Variants in EIF3E observed in about 807,000 individuals in gnomAD.
The protein encoded by EIF3E is eIF-3 p48.
A neutral mutation model predicts 59.3 loss-of-function variants in EIF3E; 25 were observed. The ratio of observed to expected loss-of-function variants is 0.42; its 90% CI spans 0.31 to 0.59. EIF3E has a LOEUF of 0.59. Ranked by LOEUF, EIF3E falls within the 20% of genes least tolerant of loss-of-function variation. The pLI, the probability that EIF3E is intolerant of heterozygous loss-of-function variation, is 0.15. For missense variants in EIF3E, 317 were observed against 534.3 expected, an observed-to-expected ratio of 0.59 and a Z score of 4.01; for synonymous variants, 176 against 170.2, an observed-to-expected ratio of 1.03 and a Z score of -0.26.
chr8:108,209,288 C>T (rs1357131692), intron 10 of EIF3E, among the ~76,000 whole-genome samples: 1 of 151,910 alleles, frequency 6.6e-6, no homozygotes, highest in Non-Finnish European at 1.5e-5. Flanking sequence ...GAATAATATG[C>T]CATAGTTAGT....
chr8:108,248,544 A>G, intron 1 of EIF3E, 69 bp downstream of exon 1: 1 of 1,517,650 alleles, frequency 6.6e-7, no homozygotes. Context: ...GACTACAGAC[A>G]CCACCTTTCG....
intron 7 of EIF3E, among the ~76,000 whole-genome samples, chr8:108,221,774 A>G (rs189919183): frequency 6.7e-6 from 1 of 148,424 alleles, no homozygotes; most frequent in East Asian, 2.0e-4. Context: ...ATCTACCATT[A>G]GAGCTCAAAA....
rs968679274 is a variant in EIF3E, at chr8:108,216,647, A to C, written c.850-134T>G. The C allele has an allele frequency of 7.6e-6, 5 of 661,388 alleles. No individual in the cohort carries two copies. The Admixed American group carries it at 9.7e-5, about 13-fold the overall frequency. 41.0% of individuals were successfully genotyped at this position (661,388 alleles called of 1,614,324 possible). A position where few individuals can be genotyped will look rare whatever the true frequency, so the allele number is the denominator to read the frequency against. On this transcript the variant is annotated intron_variant, in intron 8 of 12. Transcript: ENST00000220849. The stretch of plus-strand genomic sequence containing the variant: ...AGCCAAATTACCTAGCATCTTCCCA[A>C]AACAATTGTTCCTATCCTGATTCCA...
chr8:108,226,135 C>G (rs539405290), intron 7 of EIF3E: 1 of 151,264 alleles, frequency 6.6e-6, no homozygotes, highest in Admixed American at 6.6e-5. Flanking sequence ...ATATTGAGGA[C>G]TTACTGTATA....
In EIF3E at chr8:108,242,987, G is replaced by A. The variant is rs1384631402; in HGVS notation, c.91-1074C>T. On this transcript the variant is annotated intron_variant, in intron 1 of 12. Transcript: ENST00000220849. The stretch of plus-strand genomic sequence containing the variant: ...TACTTTTTGATCCAGCAATTGTTTC[G>A]AGGCATCCAAAACAAATGGGTGCAT... Among the ~76,000 whole-genome samples the A allele has an allele frequency of 3.9e-5, 6 of 151,972 alleles. No individual in the cohort carries two copies. In the South Asian group the frequency reaches 8.3e-4, roughly 21 times the overall value.
intron 5 of EIF3E, among the ~76,000 whole-genome samples, chr8:108,230,660 C>T (rs961159567): frequency 6.6e-6 from 1 of 151,984 alleles, no homozygotes; most frequent in African/African-American, 2.4e-5. Flanking sequence ...AATTTTGAAC[C>T]ACTCCTGGTT....
intron 3 of EIF3E, among the ~76,000 whole-genome samples, chr8:108,238,860 T>C (rs1164969905): frequency 6.6e-6 from 1 of 152,232 alleles, no homozygotes; most frequent in Non-Finnish European, 1.5e-5. Flanking sequence ...AGCTAGGATT[T>C]ATCTCAAATG....
rs910557016 is a variant in EIF3E at position 108,242,767 on chromosome 8, A to G, written c.91-854T>C. 9.3e-5 allele frequency: 62 copies of G among 666,766 alleles called. No homozygotes were observed. In the African/African-American group the frequency reaches 1.1e-3, roughly 12 times the overall value. 41.3% of individuals were successfully genotyped at this position (666,766 alleles called of 1,614,324 possible). A position where few individuals can be genotyped will look rare whatever the true frequency, so the allele number is the denominator to read the frequency against. Reference sequence around the variant, plus strand: ...GATAGGCACTTCGCAAAAGAAGACAACCAAATGGCCAACAGACACATGAAA... The same window carrying G: ...GATAGGCACTTCGCAAAAGAAGACAGCCAAATGGCCAACAGACACATGAAA... On this transcript the variant is annotated intron_variant, in intron 1 of 12. Transcript: ENST00000220849.
chr8:108,230,106 A>C (rs1403198468), intron 5 of EIF3E, among the ~76,000 whole-genome samples: 1 of 152,194 alleles, frequency 6.6e-6, no homozygotes, highest in Non-Finnish European at 1.5e-5. Context: ...GAGGGGGAAG[A>C]ATACATGTCT....
intron 10 of EIF3E, among the ~76,000 whole-genome samples, chr8:108,212,725 G>A (rs1328122604): frequency 5.9e-5 from 9 of 152,004 alleles, no homozygotes; most frequent in African/African-American, 1.4e-4. Context: ...TCTCTTGAAC[G>A]CGAGAGGCAG....
intron 10 of EIF3E, among the ~76,000 whole-genome samples, chr8:108,206,750 CTA>C (rs1815110472): frequency 6.6e-6 from 1 of 152,136 alleles, no homozygotes; most frequent in Non-Finnish European, 1.5e-5. Flanking sequence ...CTGCAGTAAG[CTA>C]TGATTGCGCC....
In EIF3E at chr8:108,201,263, ATATCTATC is replaced by A. The variant is rs763522904; in HGVS notation, c.*614_*621del. 9 of 138,462 alleles carry A rather than the reference ATATCTATC, an allele frequency of 6.5e-5. 2 individuals are homozygous for A. Among genetic ancestry groups the A allele is most frequent in the African/African-American group, 2.6e-4 (8 of 31,276 alleles). 8.6% of individuals were successfully genotyped at this position (138,462 alleles called of 1,614,324 possible). On this transcript the variant is annotated 3_prime_UTR_variant, in exon 13 of 13. Coordinates refer to ENST00000220849, the MANE Select transcript of EIF3E (RefSeq NM_001568.3). The stretch of plus-strand genomic sequence containing the variant: ...TTAACTACTGATCATATATATATAT[ATATCTATC>A]TCTCAACTTGGATGGCTCTCAAGAG...
At chr8:108,248,482 A>G in intron 1 of EIF3E, 131 bp downstream of exon 1, 1 of 788,058 alleles carries the variant, frequency 1.3e-6, no homozygotes, top group South Asian at 1.7e-5. Flanking sequence ...GAAGATCCTT[A>G]GTGTCCGTCC....
rs1376760666 is a variant in EIF3E at position 108,201,245 on chromosome 8, C to A, written c.*640G>T. The A allele has an allele frequency of 1.3e-5, 1 of 79,724 alleles. No individual in the cohort carries two copies. Among genetic ancestry groups the A allele is most frequent in the Non-Finnish European group, 2.5e-5 (1 of 40,262 alleles). The allele number at this position is 79,724 out of a possible 1,614,324, so 4.9% of individuals were successfully genotyped here. On this transcript the variant is annotated 3_prime_UTR_variant, in exon 13 of 13. Transcript: ENST00000220849. ...TTGGCAATAAAAAAGGAATTAACTA[C>A]TGATCATATATATATATATATCTAT...
At chr8:108,244,497 T>C (rs1044329590) in intron 1 of EIF3E, among the ~76,000 whole-genome samples, 3 of 152,196 alleles carry the variant, frequency 2.0e-5, no homozygotes, top group Non-Finnish European at 4.4e-5. Context: ...AATTCCTTTA[T>C]TCCTCAAATT....
intron 8 of EIF3E, 27 bp downstream of exon 8, chr8:108,217,307 A>T: frequency 2.7e-6 from 4 of 1,495,084 alleles, no homozygotes; most frequent in Non-Finnish European, 3.6e-6. Context: ...ATTTAAAAAA[A>T]AAAATCAATA....
intron 5 of EIF3E, among the ~76,000 whole-genome samples, chr8:108,230,465 T>G (rs972406840): frequency 2.0e-5 from 3 of 152,110 alleles, no homozygotes; most frequent in African/African-American, 7.2e-5. Flanking sequence ...ACATATACAT[T>G]TACATACGTA....
Position 108,201,661 on chromosome 8 carries a change from C to A in EIF3E, c.*224G>T. ...CAGGGACTTCTCTGTACTATTTTTG[C>A]AAATTCCTCTGAATATAATTATTCC... On this transcript the variant is annotated 3_prime_UTR_variant, in exon 13 of 13. Coordinates refer to ENST00000220849, the MANE Select transcript of EIF3E (RefSeq NM_001568.3). 1 of 384,668 alleles carries A rather than the reference C, an allele frequency of 2.6e-6. No homozygotes were observed. Among genetic ancestry groups the A allele is most frequent in the Non-Finnish European group, 4.6e-6 (1 of 215,418 alleles). The allele number at this position is 384,668 out of a possible 1,614,324, so 23.8% of individuals were successfully genotyped here.
intron 7 of EIF3E, among the ~76,000 whole-genome samples, chr8:108,222,028 T>C (rs996988897): frequency 2.6e-5 from 4 of 152,128 alleles, no homozygotes; most frequent in Admixed American, 2.6e-4. Context: ...TGGTATACAG[T>C]ATCACCATGG....
Sources: allele counts gnomAD v4.1 joint callset (sites outside exome capture counted in the v4.1 genomes callset), GRCh38; gene constraint gnomAD v4.1.1; transcripts MANE v1.5; gene names NCBI Gene and HGNC (gene_info 2026-07-23, HGNC 2026-07-21).